SINHCAF: variants seen among roughly 807,000 people sequenced by gnomAD.
SINHCAF encodes SIN3-HDAC complex-associated factor.
In SINHCAF, 3 loss-of-function variants were observed where a neutral mutation model predicts 25.8. That is an observed-to-expected ratio of 0.12 (90% CI 0.05 to 0.30). The LOEUF (loss-of-function observed/expected upper bound fraction) is 0.30. SINHCAF is among the 10% of genes least tolerant of loss of function. The pLI, the probability that SINHCAF is intolerant of heterozygous loss-of-function variation, is 1.00. For synonymous variants in SINHCAF, 70 were observed against 85.5 expected, an observed-to-expected ratio of 0.82 and a Z score of 1.00; for missense variants, 121 against 262.3, an observed-to-expected ratio of 0.46 and a Z score of 3.72.
In SINHCAF at chr12:31,285,418, T is replaced by TATACACAC. The variant is rs1555110957; in HGVS notation, c.506+2215_506+2216insGTGTGTAT. Among the ~76,000 whole-genome samples the TATACACAC allele has an allele frequency of 6.2e-3, 870 of 141,436 alleles. 14 individuals carry two copies. Among genetic ancestry groups the TATACACAC allele is most frequent in the African/African-American group, 0.02 (755 of 37,950 alleles). 92.8% of individuals were successfully genotyped at this position (141,436 alleles called of 152,430 possible). A position where few individuals can be genotyped will look rare whatever the true frequency, so the allele number is the denominator to read the frequency against. On this transcript the variant is annotated intron_variant, in intron 5 of 5. Transcript: ENST00000337682. ...ATAGACATATATTTATATATATACA[T>TATACACAC]ACACACACACACACACACACACACA...
rs1345458314 is a variant in SINHCAF at position 31,325,343 on chromosome 12, A to T, written c.-21+681T>A. On this transcript the variant is annotated intron_variant, in intron 1 of 5. Coordinates refer to ENST00000337682, the MANE Select transcript of SINHCAF (RefSeq NM_001135812.2). The surrounding 1 kb of genome is among the most constrained non-coding windows in gnomAD (Gnocchi z 5.9). The stretch of plus-strand genomic sequence containing the variant: ...TTTTAAGCGACCGCGTGTTGCTCTC[A>T]TTGTCGCATCCGCATCCCTCCGGAG... The T allele has an allele frequency of 2.4e-6, 1 of 420,024 alleles. No individual in the cohort carries two copies. The highest frequency in any genetic ancestry group is 4.8e-6 in the Non-Finnish European group (1 of 208,290). The allele number at this position is 420,024 out of a possible 1,614,324, so 26.0% of individuals were successfully genotyped here.
rs530237374 is a variant in SINHCAF at position 31,282,607 on chromosome 12, A to G, written c.*105T>C. 4 of 1,009,944 alleles carry G rather than the reference A, an allele frequency of 4.0e-6. No individual in the cohort carries two copies. Among genetic ancestry groups the G allele is most frequent in the Non-Finnish European group, 5.7e-6 (4 of 707,134 alleles). 62.6% of individuals were successfully genotyped at this position (1,009,944 alleles called of 1,614,324 possible). A position where few individuals can be genotyped will look rare whatever the true frequency, so the allele number is the denominator to read the frequency against. ...ACTGCACTCCAGCCTGGGTAACAAG[A>G]GCAAAACTCCGTCTCAAAAAAAAAA... On this transcript the variant is annotated 3_prime_UTR_variant, in exon 6 of 6. Coordinates refer to ENST00000337682, the MANE Select transcript of SINHCAF (RefSeq NM_001135812.2).
chr12:31,288,838 T>C (rs1438299089), intron 4 of SINHCAF, among the ~76,000 whole-genome samples: 4 of 152,150 alleles, frequency 2.6e-5, no homozygotes, highest in African/African-American at 9.7e-5. Context: ...ACAAAGACAT[T>C]AGAATTATCT....
At chr12:31,302,400 A>G (rs1185046212) in intron 1 of SINHCAF, among the ~76,000 whole-genome samples, 1 of 151,428 alleles carries the variant, frequency 6.6e-6, no homozygotes, top group Admixed American at 6.6e-5. Context: ...GAGATATTTA[A>G]AAATAAAAAT....
intron 1 of SINHCAF, among the ~76,000 whole-genome samples, chr12:31,313,550 A>G (rs756483195): frequency 8.5e-5 from 13 of 152,242 alleles, no homozygotes; most frequent in Non-Finnish European, 1.9e-4. Context: ...CAATTTCAGA[A>G]TAAGTTGTTA....
intron 4 of SINHCAF, among the ~76,000 whole-genome samples, chr12:31,292,950 C>G (rs551927198): frequency 4.6e-5 from 7 of 152,134 alleles, no homozygotes; most frequent in African/African-American, 1.7e-4. Context: ...AACCCCTAGC[C>G]GCAATTCTGA....
Position 31,324,343 on chromosome 12 carries a change from C to T in SINHCAF, c.-21+1681G>A, listed in dbSNP as rs1300278343. ...AGGCTCCCGGGCCACGAGAAACCGG[C>T]CGAGCAGTCCGGGCCAAGCTCCCCG... On this transcript the variant is annotated intron_variant, in intron 1 of 5. Transcript: ENST00000337682. This position sits in a 1 kb window ranked among gnomAD's most constrained non-coding sequence, Gnocchi z 5.5. The T allele has an allele frequency of 6.1e-6, 1 of 164,852 alleles. No homozygotes were observed. Among genetic ancestry groups the T allele is most frequent in the Non-Finnish European group, 1.3e-5 (1 of 78,122 alleles). 10.2% of individuals were successfully genotyped at this position (164,852 alleles called of 1,614,324 possible).
At chr12:31,285,418 TACACACACACACACACAC>T (rs71444392) in intron 5 of SINHCAF, among the ~76,000 whole-genome samples, 2 of 141,356 alleles carry the variant, frequency 1.4e-5, no homozygotes, top group Non-Finnish European at 3.1e-5. Context: ...TATATATACA[TACACACACACACACACAC>T]ACACACACAC....
At position 31,325,042 on chromosome 12, in the gene SINHCAF, G is replaced by T. The variant is rs774585082; in HGVS notation, c.-21+982C>A. 1 of 456,720 alleles carries T rather than the reference G, an allele frequency of 2.2e-6. No individual in the cohort carries two copies. The allele number at this position is 456,720 out of a possible 1,614,324, so 28.3% of individuals were successfully genotyped here. ...CCAGGGTCGCAGCCCGAAGCACGTG[G>T]TCTGTCACGTAGAGCACAAAAAGCA... On this transcript the variant is annotated intron_variant, in intron 1 of 5. Transcript: ENST00000337682. The surrounding 1 kb of genome is among the most constrained non-coding windows in gnomAD (Gnocchi z 5.9).
In SINHCAF at chr12:31,281,654, A is replaced by G. The variant is rs1937799823; in HGVS notation, c.*1058T>C. On this transcript the variant is annotated 3_prime_UTR_variant, in exon 6 of 6. Transcript: ENST00000337682. Reference sequence around the variant, plus strand: ...TGAAGACTTGCACATTTTATTTTTCAGATAGCTTAACATTTTTAATCGAGT... The same window carrying G: ...TGAAGACTTGCACATTTTATTTTTCGGATAGCTTAACATTTTTAATCGAGT... 1 of 152,214 alleles carries G rather than the reference A, an allele frequency of 6.6e-6. No individual in the cohort carries two copies. The highest frequency in any genetic ancestry group is 2.1e-4 in the South Asian group (1 of 4,828). The allele number at this position is 152,214 out of a possible 1,614,324, so 9.4% of individuals were successfully genotyped here.
Position 31,281,559 on chromosome 12 carries a change from T to C in SINHCAF, c.*1153A>G, listed in dbSNP as rs1232628979. The C allele has an allele frequency of 3.3e-5, 5 of 152,222 alleles. No homozygotes were observed. Among genetic ancestry groups the C allele is most frequent in the Non-Finnish European group, 7.3e-5 (5 of 68,040 alleles). 9.4% of individuals were successfully genotyped at this position (152,222 alleles called of 1,614,324 possible). A position where few individuals can be genotyped will look rare whatever the true frequency, so the allele number is the denominator to read the frequency against. On this transcript the variant is annotated 3_prime_UTR_variant, in exon 6 of 6. Transcript: ENST00000337682. Reference sequence around the variant, plus strand: ...ATGTAACACAAACAAAAGTCGATTATATTTACACACTCAGCAAGCCCTCTA... The same window carrying C: ...ATGTAACACAAACAAAAGTCGATTACATTTACACACTCAGCAAGCCCTCTA...
At chr12:31,299,042 A>G (rs1938667691) in intron 1 of SINHCAF, among the ~76,000 whole-genome samples, 1 of 151,830 alleles carries the variant, frequency 6.6e-6, no homozygotes, top group South Asian at 2.1e-4. Flanking sequence ...CTCCTGTTAA[A>G]AAAAAAAAAA....
chr12:31,323,849 AGCTCGGCTGGG>A (rs1165382097), intron 1 of SINHCAF: 1 of 433,902 alleles, frequency 2.3e-6, no homozygotes, highest in Non-Finnish European at 4.7e-6. Flanking sequence ...TGCGGGCCAC[AGCTCGGCTGGG>A]GAGGAGGTGC....
chr12:31,323,360 C>G (rs1939784625), intron 1 of SINHCAF, among the ~76,000 whole-genome samples: 1 of 152,108 alleles, frequency 6.6e-6, no homozygotes, highest in Admixed American at 6.5e-5. Context: ...AATTCCAGTT[C>G]AAAAACAGGT....
At chr12:31,309,061 G>A (rs1939150018) in intron 1 of SINHCAF, among the ~76,000 whole-genome samples, 1 of 150,262 alleles carries the variant, frequency 6.7e-6, no homozygotes, top group Admixed American at 6.7e-5. Context: ...CCAGGAGGTG[G>A]AGGCTGCAGT....
At chr12:31,283,324 C>T (rs1364573654) in intron 5 of SINHCAF, among the ~76,000 whole-genome samples, 6 of 151,882 alleles carry the variant, frequency 4.0e-5, no homozygotes, top group African/African-American at 1.2e-4. Context: ...ATGTGTGGGC[C>T]GGGTGTGGTG....
chr12:31,322,682 G>GA (rs879563678), intron 1 of SINHCAF, among the ~76,000 whole-genome samples: 23 of 152,038 alleles, frequency 1.5e-4, no homozygotes, highest in African/African-American at 3.1e-4. Context: ...ACAAAATAAT[G>GA]AAAAAAAATG....
rs538275580 is a variant in SINHCAF at position 31,285,320 on chromosome 12, G to A, written c.506+2314C>T. 9.9e-5 allele frequency among the ~76,000 whole-genome samples: 15 copies of A among 151,608 alleles called. No homozygotes were observed. In the South Asian group the frequency reaches 2.5e-3, roughly 25 times the overall value. On this transcript the variant is annotated intron_variant, in intron 5 of 5. Transcript: ENST00000337682. Reference sequence around the variant, plus strand: ...GGAAAATCGCTTGAACCCAGGAGGCGGAGGTTGCAGTGAGCCAAGATCACA... The same window carrying A: ...GGAAAATCGCTTGAACCCAGGAGGCAGAGGTTGCAGTGAGCCAAGATCACA...
intron 1 of SINHCAF, among the ~76,000 whole-genome samples, chr12:31,319,397 G>A (rs542332980): frequency 8.5e-5 from 13 of 152,270 alleles, no homozygotes; most frequent in Admixed American, 3.3e-4. Context: ...GCCTGGTGGC[G>A]TGCGCCTGTA....
Sources: gnomAD v4.1 joint callset for allele counts (sites outside exome capture counted in the v4.1 genomes callset) on GRCh38, gnomAD v4.1.1 for gene constraint, Gnocchi (gnomAD v3.1) non-coding constraint, MANE v1.5 for transcripts, NCBI Gene and HGNC (gene_info 2026-07-23, HGNC 2026-07-21) for gene names.